Variants in LGALS9C observed in about 807,000 individuals in gnomAD.
The protein encoded by LGALS9C is galectin 9C.
Under a neutral mutation model 41.3 loss-of-function variants are expected in LGALS9C, and 7 were observed. The observed-to-expected ratio is 0.17, with a 90% CI of 0.10 to 0.32. LGALS9C has a LOEUF of 0.32. LGALS9C is among the 10% of genes least tolerant of loss of function. The pLI is 1.00. For synonymous variants in LGALS9C, 44 were observed against 171.0 expected (o/e 0.26, Z 5.80); for missense variants, 102 against 455.2 (o/e 0.22, Z 7.06).
chr17:18,480,349 C>T (rs1363316375), intron 1 of LGALS9C, among the ~76,000 whole-genome samples: 1 of 122,396 alleles, frequency 8.2e-6, no homozygotes, highest in African/African-American at 2.7e-5. Context: ...ATTGGGACCA[C>T]CTGTATAATC....
At chr17:18,478,912 T>C (rs370095973) in intron 1 of LGALS9C, among the ~76,000 whole-genome samples, 14 of 46,122 alleles carry the variant, frequency 3.0e-4, no homozygotes, top group East Asian at 9.2e-4. Flanking sequence ...TGGACACACA[T>C]GGATCCAAAT....
chr17:18,486,451 C>A (rs879284417), intron 3 of LGALS9C: 1 of 306,994 alleles, frequency 3.3e-6, no homozygotes, highest in Non-Finnish European at 6.7e-6. Context: ...TATCACCATA[C>A]CTCCTCTCCA....
chr17:18,487,809 C>T (rs1682201), intron 4 of LGALS9C, 52 bp downstream of exon 4: 416,618 of 1,534,858 alleles, frequency 0.27, 38,803 homozygotes, highest in Middle Eastern at 0.32. Flanking sequence ...CAGGGCCCAG[C>T]GTAGCTGTGC....
rs1989577952 is a variant in LGALS9C, at chr17:18,486,041, G to C, written c.239G>C (p.Gly80Ala). Residue 80 changes from glycine to alanine, a missense_variant, in exon 3 of 11, where the codon GGA becomes GCA. By Grantham distance (60) the Gly-to-Ala change is moderately conservative (BLOSUM62 0). Coordinates refer to ENST00000328114, the MANE Select transcript of LGALS9C (RefSeq NM_001040078.3). Reference protein sequence around the residue: ...GYVVCNTRQKGTWGPEERKMH... With the variant: ...GYVVCNTRQKATWGPEERKMH... ...GTGGTGTGCAACACGAGGCAGAAAG[G>C]AACATGGGGGCCCGAGGAGAGGAAG... is the stretch of plus-strand genomic sequence containing the variant. 13 of 1,279,444 alleles carry C rather than the reference G, an allele frequency of 1.0e-5. 2 individuals carry two copies. In the East Asian group the frequency reaches 2.2e-4, roughly 22 times the overall value. The allele number at this position is 1,279,444 out of a possible 1,614,324, so 79.3% of individuals were successfully genotyped here.
chr17:18,484,777 C>T (rs1335625439), intron 2 of LGALS9C, among the ~76,000 whole-genome samples: 2 of 151,016 alleles, frequency 1.3e-5, no homozygotes, highest in African/African-American at 2.4e-5. Flanking sequence ...CTCAGCTCCG[C>T]CACCTAGATT....
rs554990475 is a variant in LGALS9C, at chr17:18,492,483, G to C, written c.699G>C (p.Pro233=). The C allele has an allele frequency of 6.4e-7, 1 of 1,554,510 alleles. No individual in the cohort carries two copies. Among genetic ancestry groups the C allele is most frequent in the African/African-American group, 1.4e-5 (1 of 73,550 alleles). ...CGATGCCTTTCATCACCACCATTCC[G>C]GGAGGGCTGTACCCATCCAAGTCCA... The part of the protein sequence containing the change: ...AYPMPFITTI[P]GGLYPSKSII... The change falls in exon 9 of 11, where the codon CCG becomes CCC. Residue 233 remains proline (P), a synonymous_variant. Transcript: ENST00000328114.
At chr17:18,479,478 C>T (rs1989319771) in intron 1 of LGALS9C, among the ~76,000 whole-genome samples, 1 of 128,260 alleles carries the variant, frequency 7.8e-6, no homozygotes, top group Non-Finnish European at 1.9e-5. Flanking sequence ...TGCTTCCAGT[C>T]CTCTCCAGAA....
At chr17:18,480,384 T>C (rs1489864732) in intron 1 of LGALS9C, among the ~76,000 whole-genome samples, 1 of 114,374 alleles carries the variant, frequency 8.7e-6, no homozygotes, top group African/African-American at 2.8e-5. Flanking sequence ...CATGCCAAAA[T>C]TATGCATTTA....
In LGALS9C at chr17:18,492,452, G is replaced by A; in HGVS notation, c.673-5G>A. ...CTGGCTGACCTGTCCCCGTCCTTCTGACAGCCGATGCCTTTCATCACCACC... is the reference window on the plus strand; with the variant it reads ...CTGGCTGACCTGTCCCCGTCCTTCTAACAGCCGATGCCTTTCATCACCACC... On this transcript the variant is annotated splice_polypyrimidine_tract_variant and splice_region_variant and intron_variant, in intron 8 of 10. Transcript: ENST00000328114. The A allele has an allele frequency of 6.6e-7, 1 of 1,518,620 alleles. No individual in the cohort carries two copies. Among genetic ancestry groups the A allele is most frequent in the Non-Finnish European group, 9.1e-7 (1 of 1,102,848 alleles). 94.1% of individuals were successfully genotyped at this position (1,518,620 alleles called of 1,614,324 possible).
intron 10 of LGALS9C, 95 bp downstream of exon 10, chr17:18,492,954 G>C: frequency 7.2e-7 from 1 of 1,384,864 alleles, no homozygotes; most frequent in South Asian, 1.3e-5. Flanking sequence ...GATGGGAGCT[G>C]ATGCCTCTGG....
At position 18,492,767 on chromosome 17, in the gene LGALS9C, G is replaced by C. The variant is rs1989865576; in HGVS notation, c.832G>C (p.Val278Leu). 1 of 1,520,330 alleles carries C rather than the reference G, an allele frequency of 6.6e-7. No homozygotes were observed. The highest frequency in any genetic ancestry group is 9.0e-7 in the Non-Finnish European group (1 of 1,105,826). The allele number at this position is 1,520,330 out of a possible 1,614,324, so 94.2% of individuals were successfully genotyped here. A position where few individuals can be genotyped will look rare whatever the true frequency, so the allele number is the denominator to read the frequency against. The change falls in exon 10 of 11, where the codon GTG becomes CTG. Residue 278 changes from valine to leucine, a missense_variant. Transcript: ENST00000328114. ...HMNPRFDENA[V>L]VRNTQINNSW... Reference sequence around the variant, plus strand: ...GAACCCCCGTTTTGATGAGAATGCTGTGGTCCGTAACACCCAGATCAACAA... The same window carrying C: ...GAACCCCCGTTTTGATGAGAATGCTCTGGTCCGTAACACCCAGATCAACAA...
chr17:18,489,160 TC>T, intron 5 of LGALS9C, 124 bp downstream of exon 5: 2 of 846,282 alleles, frequency 2.4e-6, no homozygotes, highest in Non-Finnish European at 3.5e-6. Flanking sequence ...ACTCAAGAGT[TC>T]CCTGTCTCTG....
intron 2 of LGALS9C, chr17:18,484,353 C>T (rs1567840497): frequency 3.6e-6 from 1 of 279,890 alleles, no homozygotes; most frequent in African/African-American, 2.1e-5. Context: ...CATGAAAATA[C>T]TGAAAATTGA....
chr17:18,480,208 CA>C (rs1186218936), intron 1 of LGALS9C, among the ~76,000 whole-genome samples: 2,359 of 85,670 alleles, frequency 0.028, 55 homozygotes, highest in African/African-American at 0.053. Context: ...GATCCTGTCT[CA>C]AAAAAAAAAA....
At chr17:18,482,562 C>T (rs1249088729) in intron 1 of LGALS9C, among the ~76,000 whole-genome samples, 1 of 144,980 alleles carries the variant, frequency 6.9e-6, no homozygotes, top group African/African-American at 2.5e-5. Flanking sequence ...TTTGGAAGTT[C>T]TGCCAATACT....
At chr17:18,487,101 G>A (rs1354761335) in intron 3 of LGALS9C, among the ~76,000 whole-genome samples, 43 of 140,820 alleles carry the variant, frequency 3.1e-4, no homozygotes, top group African/African-American at 8.1e-4. Context: ...GGGTGAGGAG[G>A]ACAGATGGCT....
chr17:18,483,166 T>C (rs1162756416), intron 1 of LGALS9C, among the ~76,000 whole-genome samples: 16 of 122,452 alleles, frequency 1.3e-4, no homozygotes, highest in Admixed American at 1.3e-3. Flanking sequence ...ATAGCTCCTT[T>C]AAAGAGGCGC....
intron 1 of LGALS9C, among the ~76,000 whole-genome samples, chr17:18,482,509 A>G (rs1453469982): frequency 2.4e-5 from 2 of 83,912 alleles, no homozygotes; most frequent in Admixed American, 1.3e-4. Context: ...AAGTTTTACA[A>G]AAAAAAAAAA....
rs1399091204 is a variant in LGALS9C at position 18,488,588 on chromosome 17, G to C, written c.445-353G>C. Among the ~76,000 whole-genome samples, 11 of 122,666 alleles carry C rather than the reference G, an allele frequency of 9.0e-5. 4 individuals carry two copies. Among genetic ancestry groups the C allele is most frequent in the Non-Finnish European group, 1.8e-4 (9 of 50,694 alleles). The allele number at this position is 122,666 out of a possible 152,430, so 80.5% of individuals were successfully genotyped here. On this transcript the variant is annotated intron_variant, in intron 4 of 10. Transcript: ENST00000328114. ...CCACAGGGCACCGGCAGCTGGATGG[G>C]AGCTGCTGTTACCCTTTTGGCATTC...
Sources: allele counts gnomAD v4.1 joint callset (sites outside exome capture counted in the v4.1 genomes callset), GRCh38; gene constraint gnomAD v4.1.1; transcripts MANE v1.5; gene names NCBI Gene and HGNC (gene_info 2026-07-23, HGNC 2026-07-21).